PDE3B: variants seen among roughly 807,000 people sequenced by gnomAD.
PDE3B encodes the protein cGMP-inhibited 3',5'-cyclic phosphodiesterase 3B.
PDE3B carries 66 observed loss-of-function variants against 116.8 expected under a neutral mutation model. That is an observed-to-expected ratio of 0.56 (90% CI 0.46 to 0.69). The LOEUF (loss-of-function observed/expected upper bound fraction) is 0.69. PDE3B is among the 30% of genes least tolerant of loss of function. PDE3B has a pLI of 0.00. For synonymous variants in PDE3B, 595 were observed against 533.6 expected (o/e 1.12, Z -1.59); for missense variants, 1,384 against 1,368.1 (o/e 1.01, Z -0.18).
At chr11:14,773,431 AT>A (rs1857699859) in intron 2 of PDE3B, 2 of 152,088 alleles carry the variant, frequency 1.3e-5, no homozygotes, top group South Asian at 4.1e-4. Context: ...ACTTTTCATA[AT>A]GTTCTTGGCA....
chr11:14,740,511 G>T (rs1327310277), intron 1 of PDE3B, among the ~76,000 whole-genome samples: 3 of 151,862 alleles, frequency 2.0e-5, no homozygotes, highest in Non-Finnish European at 4.4e-5. Flanking sequence ...TATTAGTCTG[G>T]CTAGCGGTCT....
the PDE3B span, among the ~76,000 whole-genome samples, chr11:14,894,696 G>A: frequency 3.4e-4 from 51 of 152,214 alleles, no homozygotes; most frequent in African/African-American, 1.1e-3. Context: ...GATAATAGGT[G>A]GGGTATTCTC....
intron 2 of PDE3B, among the ~76,000 whole-genome samples, chr11:14,779,924 C>T (rs1857925863): frequency 6.6e-6 from 1 of 151,542 alleles, no homozygotes; most frequent in Non-Finnish European, 1.5e-5. Context: ...GGAGACCCAT[C>T]TCACGTGCAG....
chr11:14,674,179 G>T, intron 1 of PDE3B: 1 of 1,276,150 alleles, frequency 7.8e-7, no homozygotes, highest in Non-Finnish European at 1.1e-6. Context: ...AGTCTCACTG[G>T]TACTGCCACC....
chr11:14,683,548 AT>A lies in PDE3B; in HGVS notation c.978+38498del, dbSNP rs1855689769. On this transcript the variant is annotated intron_variant, in intron 1 of 15. Transcript: ENST00000282096. ...TCCTCTTTTATTCTTGTTATTGGTA[AT>A]TTATGTCTATCTTTTTTTCTTTATC... is the stretch of plus-strand genomic sequence containing the variant. 2.6e-5 allele frequency among the ~76,000 whole-genome samples: 4 copies of A among 151,578 alleles called. No homozygotes were observed. The South Asian group carries it at 8.3e-4, about 32-fold the overall frequency.
At chr11:14,863,987 C>A (rs562188123) in intron 14 of PDE3B, among the ~76,000 whole-genome samples, 1 of 152,130 alleles carries the variant, frequency 6.6e-6, no homozygotes, top group South Asian at 2.1e-4. Context: ...GGCTAAATGC[C>A]CCAATTAAAA....
At chr11:14,649,719 G>GT (rs1237834869) in intron 1 of PDE3B, among the ~76,000 whole-genome samples, 1 of 152,154 alleles carries the variant, frequency 6.6e-6, no homozygotes, top group Middle Eastern at 3.2e-3. Flanking sequence ...AGAGTAATTT[G>GT]TAAGGATGCA....
At chr11:14,717,641 C>G (rs373695311) in intron 1 of PDE3B, among the ~76,000 whole-genome samples, 2 of 114,646 alleles carry the variant, frequency 1.7e-5, no homozygotes, top group Non-Finnish European at 3.6e-5. Flanking sequence ...AAAGAATTTT[C>G]AACCCAGAAT....
At chr11:14,867,067 A>T (rs1361350527) in intron 14 of PDE3B, among the ~76,000 whole-genome samples, 1 of 149,776 alleles carries the variant, frequency 6.7e-6, no homozygotes, top group East Asian at 1.9e-4. Context: ...CTGCTGTTAA[A>T]AAAAAAAAAA....
At chr11:14,711,863 C>T (rs921608623) in intron 1 of PDE3B, among the ~76,000 whole-genome samples, 18 of 152,142 alleles carry the variant, frequency 1.2e-4, no homozygotes, top group South Asian at 2.1e-4. Context: ...ACAGCATGGC[C>T]GTATTCACTT....
At chr11:14,880,064 G>A in the PDE3B span, 2 of 1,512,822 alleles carry the variant, frequency 1.3e-6, no homozygotes, top group Middle Eastern at 3.4e-4. Context: ...TATTGTGCAT[G>A]GCCAAGACTC....
intron 2 of PDE3B, chr11:14,775,216 C>G (rs1348825854): frequency 6.6e-6 from 1 of 152,182 alleles, no homozygotes; most frequent in Non-Finnish European, 1.5e-5. Flanking sequence ...TTGGTCCCAA[C>G]ATGTCTTTCC....
At chr11:14,729,351 C>G (rs983207411) in intron 1 of PDE3B, among the ~76,000 whole-genome samples, 3 of 152,126 alleles carry the variant, frequency 2.0e-5, no homozygotes, top group African/African-American at 7.2e-5. Context: ...TTTCAAAGAT[C>G]ACATTGTGCT....
intron 4 of PDE3B, among the ~76,000 whole-genome samples, chr11:14,801,380 A>G (rs1413938745): frequency 6.6e-6 from 1 of 152,234 alleles, no homozygotes; most frequent in Non-Finnish European, 1.5e-5. Context: ...TCCTTCTAAC[A>G]GTCAGGCCCC....
chr11:14,783,389 G>A (rs1328015643), intron 2 of PDE3B, among the ~76,000 whole-genome samples: 2 of 152,200 alleles, frequency 1.3e-5, no homozygotes, highest in Admixed American at 6.5e-5. Context: ...ACTGGATTAA[G>A]AAAAAGTGGT....
At chr11:14,752,915 ACTAT>A (rs1373199491) in intron 1 of PDE3B, among the ~76,000 whole-genome samples, 1 of 151,904 alleles carries the variant, frequency 6.6e-6, no homozygotes, top group African/African-American at 2.4e-5. Context: ...TGCTTTCTAA[ACTAT>A]CTACTGTTTG....
intron 1 of PDE3B, among the ~76,000 whole-genome samples, chr11:14,735,756 C>T (rs1023209343): frequency 6.6e-6 from 1 of 152,158 alleles, no homozygotes; most frequent in Non-Finnish European, 1.5e-5. Context: ...CTGGCCATCA[C>T]TGCAATAGAT....
In PDE3B at chr11:14,819,599, C is replaced by T. The variant is rs1484470714; in HGVS notation, c.1807+390C>T. 3.9e-5 allele frequency among the ~76,000 whole-genome samples: 6 copies of T among 151,946 alleles called. 1 individual carries two copies. In the East Asian group the frequency reaches 1.2e-3, roughly 29 times the overall value. ...ATATCATTCTGAAATATTTTGTATC[C>T]TCATACAAGACATATTGTGTTGATG... is the stretch of plus-strand genomic sequence containing the variant. On this transcript the variant is annotated intron_variant, in intron 7 of 15. Transcript: ENST00000282096.
At chr11:14,681,347 A>G (rs1854701473) in intron 1 of PDE3B, among the ~76,000 whole-genome samples, 1 of 152,104 alleles carries the variant, frequency 6.6e-6, no homozygotes, top group African/African-American at 2.4e-5. Flanking sequence ...ATGTGTCATT[A>G]CTTCCAGTGG....
Sources: gnomAD v4.1 joint callset for allele counts (sites outside exome capture counted in the v4.1 genomes callset) on GRCh38, gnomAD v4.1.1 for gene constraint, MANE v1.5 for transcripts, NCBI Gene and HGNC (gene_info 2026-07-23, HGNC 2026-07-21) for gene names.